Variants in PCDH15 observed in about 807,000 individuals in gnomAD.
PCDH15 encodes protocadherin related 15, also known as protocadherin-15.
Under a neutral mutation model 178.5 loss-of-function variants are expected in PCDH15, and 129 were observed. The observed-to-expected ratio is 0.72, with a 90% CI of 0.63 to 0.84. The LOEUF (loss-of-function observed/expected upper bound fraction) is 0.84. Among genes scored for constraint, PCDH15 ranks in the 40% least tolerant of loss-of-function variants. The pLI, the probability that PCDH15 is intolerant of heterozygous loss-of-function variation, is 0.00. For missense variants in PCDH15, 2,230 were observed against 2,099.9 expected (o/e 1.06, Z -1.21); for synonymous variants, 800 against 732.0 (o/e 1.09, Z -1.50).
chr10:55,613,404 C>G (rs148623716), intron 2 of PCDH15, among the ~76,000 whole-genome samples: 2 of 152,216 alleles, frequency 1.3e-5, no homozygotes, highest in East Asian at 3.9e-4. Flanking sequence ...ATATACACCA[C>G]TTTTAGACTT....
At chr10:55,190,264 TA>T (rs34045347) in intron 1 of PCDH15, among the ~76,000 whole-genome samples, 3 of 149,728 alleles carry the variant, frequency 2.0e-5, no homozygotes, top group East Asian at 2.0e-4. Flanking sequence ...CTGAAGTTAT[TA>T]AAAAAAAAAC....
chr10:54,705,203 T>C (rs1007832573), intron 1 of PCDH15, among the ~76,000 whole-genome samples: 2 of 152,044 alleles, frequency 1.3e-5, no homozygotes, highest in Admixed American at 6.6e-5. Flanking sequence ...AAACTACTTA[T>C]CAGCTACTAT....
intron 5 of PCDH15, among the ~76,000 whole-genome samples, chr10:54,362,917 A>G (rs1441304416): frequency 6.6e-6 from 1 of 152,110 alleles, no homozygotes; most frequent in Non-Finnish European, 1.5e-5. Flanking sequence ...GTTTTAATCT[A>G]TGTAATTTAT....
intron 18 of PCDH15, among the ~76,000 whole-genome samples, chr10:54,026,095 G>A (rs2093080054): frequency 6.7e-6 from 1 of 149,900 alleles, no homozygotes. Flanking sequence ...TTTGAAACAG[G>A]TCTTGCTCTG....
At chr10:55,523,314 G>A (rs2132167529) in intron 2 of PCDH15, among the ~76,000 whole-genome samples, 1 of 150,106 alleles carries the variant, frequency 6.7e-6, no homozygotes, top group African/African-American at 2.4e-5. Context: ...TTTTCTATTT[G>A]TTCATCTAAG....
chr10:53,877,013 TTAAAGAAAGAAAC>T (rs1431499100), intron 26 of PCDH15, among the ~76,000 whole-genome samples: 4 of 152,044 alleles, frequency 2.6e-5, no homozygotes, highest in African/African-American at 9.7e-5. Context: ...ATTTAGAAAA[TTAAAGAAAGAAAC>T]TAAAGAAAAG....
At chr10:55,596,890 G>T (rs892289692) in intron 2 of PCDH15, among the ~76,000 whole-genome samples, 1 of 151,998 alleles carries the variant, frequency 6.6e-6, no homozygotes, top group African/African-American at 2.4e-5. Context: ...AAAAACAGAG[G>T]CAATAAAGGC....
At chr10:55,440,712 C>T (rs1340442513) in intron 2 of PCDH15, among the ~76,000 whole-genome samples, 1 of 152,006 alleles carries the variant, frequency 6.6e-6, no homozygotes, top group Non-Finnish European at 1.5e-5. Flanking sequence ...AAAAGCACTC[C>T]GGGCATGTAT....
chr10:53,943,126 T>C (rs1245753267), intron 23 of PCDH15, among the ~76,000 whole-genome samples: 2 of 152,142 alleles, frequency 1.3e-5, no homozygotes, highest in Non-Finnish European at 2.9e-5. Flanking sequence ...TTCATCTGTT[T>C]GCTATTCCTT....
chr10:54,890,311 G>T (rs1468720073), intron 3 of PCDH15, among the ~76,000 whole-genome samples: 1 of 152,072 alleles, frequency 6.6e-6, no homozygotes, highest in African/African-American at 2.4e-5. Context: ...TAAGAAGTAT[G>T]ATTAAGTCCC....
rs144416334 is a variant in PCDH15 at position 55,299,330 on chromosome 10, TA to T, written c.-156+20268del. 2.9e-3 allele frequency among the ~76,000 whole-genome samples: 445 copies of T among 152,276 alleles called. 1 individual carries two copies. The highest frequency in any genetic ancestry group is 0.01 in the African/African-American group (422 of 41,564). ...TGCAATGTGTTGTGGCTTTTTTAAT[TA>T]AAGGTGTTACTTGTCAACCCATAGA... On this transcript the variant is annotated intron_variant, in intron 1 of 5. Coordinates refer to the PCDH15 transcript ENST00000458638.
rs548305356 is a variant in PCDH15, at chr10:55,503,887, C to T, written c.-156+123738G>A. ...AATATATTTTTACTGTATGATTCCGCGACCAAGGACCTTGGTATTTATCCA... is the reference window on the plus strand; with the variant it reads ...AATATATTTTTACTGTATGATTCCGTGACCAAGGACCTTGGTATTTATCCA... On this transcript the variant is annotated intron_variant, in intron 2 of 5. Coordinates refer to the PCDH15 transcript ENST00000613346. Among the ~76,000 whole-genome samples, 10 of 151,380 alleles carry T rather than the reference C, an allele frequency of 6.6e-5. No homozygotes were observed. In the East Asian group the frequency reaches 7.8e-4, roughly 12 times the overall value.
chr10:54,887,073 A>T (rs2078082369), intron 3 of PCDH15, among the ~76,000 whole-genome samples: 1 of 152,222 alleles, frequency 6.6e-6, no homozygotes, highest in Non-Finnish European at 1.5e-5. Context: ...GACAGAGCTC[A>T]ACCAAGAGCA....
At chr10:54,536,987 A>C (rs2084609486) in intron 2 of PCDH15, among the ~76,000 whole-genome samples, 1 of 140,872 alleles carries the variant, frequency 7.1e-6, no homozygotes, top group African/African-American at 2.6e-5. Flanking sequence ...TTGGTGGAAC[A>C]ATTTGTTTCC....
At chr10:54,413,289 G>T (rs978684651) in intron 3 of PCDH15, among the ~76,000 whole-genome samples, 1 of 152,094 alleles carries the variant, frequency 6.6e-6, no homozygotes, top group Non-Finnish European at 1.5e-5. Context: ...GTGATTGTTG[G>T]TTTGTGAATC....
At chr10:53,819,671 T>C (rs996670435) in intron 33 of PCDH15, among the ~76,000 whole-genome samples, 1 of 151,896 alleles carries the variant, frequency 6.6e-6, no homozygotes. Context: ...ATTAATGAGA[T>C]CATAATAAAT....
At chr10:54,536,334 G>A (rs2084515752) in intron 2 of PCDH15, among the ~76,000 whole-genome samples, 1 of 151,956 alleles carries the variant, frequency 6.6e-6, no homozygotes, top group Non-Finnish European at 1.5e-5. Context: ...CTAACCAAGT[G>A]AGCAAATCAC....
chr10:55,499,916 A>G (rs1840618504), intron 2 of PCDH15, among the ~76,000 whole-genome samples: 1 of 151,716 alleles, frequency 6.6e-6, no homozygotes, highest in South Asian at 2.1e-4. Context: ...ATGCATCGAA[A>G]TAATTAGGTA....
In PCDH15 at chr10:55,230,738, C is replaced by T. The variant is rs147347696; in HGVS notation, c.-155-64087G>A. Among the ~76,000 whole-genome samples the T allele has an allele frequency of 5.7e-3, 859 of 151,844 alleles. 18 individuals carry two copies. Among genetic ancestry groups the T allele is most frequent in the African/African-American group, 0.02 (810 of 41,390 alleles). ...ACAGATAAGTAGAAAATTTTATGCT[C>T]GATTTGTTGGTGGCTGGAAGTAACT... On this transcript the variant is annotated intron_variant, in intron 1 of 5. Coordinates refer to the PCDH15 transcript ENST00000458638.
Sources: allele counts gnomAD v4.1 joint callset (sites outside exome capture counted in the v4.1 genomes callset), GRCh38; gene constraint gnomAD v4.1.1; transcripts MANE v1.5; gene names NCBI Gene and HGNC (gene_info 2026-07-23, HGNC 2026-07-21).